CNBD1: variants seen among roughly 807,000 people sequenced by gnomAD.
CNBD1 encodes cyclic nucleotide-binding domain-containing protein 1.
A neutral mutation model predicts 54.4 loss-of-function variants in CNBD1; 71 were observed. The observed-to-expected ratio is 1.30, with a 90% CI of 1.08 to 1.59. CNBD1 has a LOEUF of 1.59. Ranked by LOEUF, CNBD1 falls within the 40% of genes most tolerant of loss-of-function variation. The pLI, the probability that CNBD1 is intolerant of heterozygous loss-of-function variation, is 0.00. For synonymous variants in CNBD1, 182 were observed against 170.7 expected (o/e 1.07, Z -0.51); for missense variants, 659 against 518.0 (o/e 1.27, Z -2.64).
rs138885623 is a variant in CNBD1, at chr8:87,351,485, A to G, written c.1043-200A>G. On this transcript the variant is annotated intron_variant, in intron 8 of 10. Coordinates refer to ENST00000518476, the MANE Select transcript of CNBD1 (RefSeq NM_173538.3). Reference sequence around the variant, plus strand: ...AAGTCTTGTCAGTGTTTGCAATATTACATGTATTATGTTAGAGATATAAAT... The same window carrying G: ...AAGTCTTGTCAGTGTTTGCAATATTGCATGTATTATGTTAGAGATATAAAT... Among the ~76,000 whole-genome samples the G allele has an allele frequency of 2.9e-3, 437 of 152,242 alleles. 5 individuals carry two copies. The highest frequency in any genetic ancestry group is 9.4e-3 in the African/African-American group (391 of 41,548).
chr8:87,364,730 G>A (rs1229760966), intron 10 of CNBD1, among the ~76,000 whole-genome samples: 1 of 151,842 alleles, frequency 6.6e-6, no homozygotes, highest in Non-Finnish European at 1.5e-5. Context: ...CACTTACAAG[G>A]AAAATATGCT....
chr8:87,012,250 G>A (rs1382387964), intron 4 of CNBD1, among the ~76,000 whole-genome samples: 2 of 152,102 alleles, frequency 1.3e-5, no homozygotes. Context: ...TGTACTTGTG[G>A]TTGTTGATTA....
intron 1 of CNBD1, among the ~76,000 whole-genome samples, chr8:86,870,395 C>T (rs1808426699): frequency 6.6e-6 from 1 of 151,730 alleles, no homozygotes; most frequent in Admixed American, 6.6e-5. Flanking sequence ...GACGGGCTTT[C>T]ACCGTGTTGG....
At chr8:86,915,848 C>T (rs1809175583) in intron 3 of CNBD1, among the ~76,000 whole-genome samples, 1 of 152,102 alleles carries the variant, frequency 6.6e-6, no homozygotes, top group Non-Finnish European at 1.5e-5. Flanking sequence ...GCATTAGTTA[C>T]CTTATATCAA....
At chr8:86,977,431 G>A (rs1310886069) in intron 4 of CNBD1, among the ~76,000 whole-genome samples, 2 of 151,832 alleles carry the variant, frequency 1.3e-5, no homozygotes, top group Non-Finnish European at 2.9e-5. Flanking sequence ...GATTTCCAGT[G>A]ATCTATCTTT....
At chr8:87,360,538 C>T (rs1456402496) in intron 10 of CNBD1, among the ~76,000 whole-genome samples, 1 of 151,674 alleles carries the variant, frequency 6.6e-6, no homozygotes, top group Non-Finnish European at 1.5e-5. Context: ...AGATGCAGAG[C>T]TTATTACTCA....
intron 10 of CNBD1, among the ~76,000 whole-genome samples, chr8:87,374,426 A>C (rs1810882538): frequency 6.6e-6 from 1 of 151,870 alleles, no homozygotes; most frequent in African/African-American, 2.4e-5. Flanking sequence ...TAGTTCCTTA[A>C]ATCAAGATCC....
chr8:86,898,979 G>A (rs1808891173), intron 2 of CNBD1, among the ~76,000 whole-genome samples: 1 of 152,080 alleles, frequency 6.6e-6, no homozygotes, highest in African/African-American at 2.4e-5. Context: ...TATACCCAAT[G>A]GAATACTATT....
chr8:87,002,519 C>G (rs1401165174), intron 4 of CNBD1, among the ~76,000 whole-genome samples: 1 of 151,930 alleles, frequency 6.6e-6, no homozygotes, highest in Non-Finnish European at 1.5e-5. Context: ...GGCATGTGGT[C>G]TTCTTGCTGT....
intron 8 of CNBD1, among the ~76,000 whole-genome samples, chr8:87,335,061 T>C (rs906799240): frequency 1.3e-5 from 2 of 152,204 alleles, no homozygotes; most frequent in Non-Finnish European, 2.9e-5. Context: ...GATTGCACTA[T>C]GGTCTGAGAG....
At chr8:87,250,135 G>A (rs1032464882) in intron 6 of CNBD1, among the ~76,000 whole-genome samples, 2 of 152,070 alleles carry the variant, frequency 1.3e-5, no homozygotes, top group African/African-American at 2.4e-5. Flanking sequence ...AGCAAAAAAT[G>A]AAATAATCCA....
At chr8:87,137,551 G>A (rs553591037) in intron 4 of CNBD1, among the ~76,000 whole-genome samples, 1 of 152,056 alleles carries the variant, frequency 6.6e-6, no homozygotes, top group Non-Finnish European at 1.5e-5. Context: ...TTATAAACAC[G>A]TTATGTTAGT....
At chr8:87,129,802 A>C (rs1299629783) in intron 4 of CNBD1, among the ~76,000 whole-genome samples, 2 of 151,840 alleles carry the variant, frequency 1.3e-5, no homozygotes, top group African/African-American at 4.8e-5. Context: ...TGACCCATGG[A>C]TATTTTGTGA....
Position 86,939,674 on chromosome 8 carries a change from A to G in CNBD1, c.351A>G (p.Arg117=). The G allele has an allele frequency of 6.2e-7, 1 of 1,602,538 alleles. No individual in the cohort carries two copies. Among genetic ancestry groups the G allele is most frequent in the Non-Finnish European group, 8.5e-7 (1 of 1,171,808 alleles). ...DSNNIAVHVQ[R]AHGGHILYRP... ...ACAATATAGCTGTCCATGTTCAGAG[A>G]GCACATGGTGGCCATATTTTATATA... Residue 117 remains arginine, a synonymous_variant, in exon 4 of 11, where the codon AGA becomes AGG. Transcript: ENST00000518476.
intron 10 of CNBD1, among the ~76,000 whole-genome samples, chr8:87,363,640 G>C (rs1176684236): frequency 6.6e-6 from 1 of 151,152 alleles, no homozygotes. Context: ...TTTGTTAGCT[G>C]CTAAATGTCT....
chr8:87,092,456 T>TGTGTGTGTGTATATATATACAC (rs1563465551), intron 4 of CNBD1, among the ~76,000 whole-genome samples: 10 of 138,790 alleles, frequency 7.2e-5, no homozygotes, highest in African/African-American at 1.9e-4. Flanking sequence ...TATATACACA[T>TGTGTGTGTGTATATATATACAC]ATGTGTGTGT....
intron 4 of CNBD1, among the ~76,000 whole-genome samples, chr8:87,132,140 C>T (rs951844140): frequency 6.6e-6 from 1 of 151,746 alleles, no homozygotes; most frequent in Middle Eastern, 3.4e-3. Context: ...TTTTTCAACA[C>T]CTAAAATTAA....
At chr8:87,389,239 A>C (rs1426093591) in intron 2 of CNBD1, among the ~76,000 whole-genome samples, 1 of 152,192 alleles carries the variant, frequency 6.6e-6, no homozygotes, top group African/African-American at 2.4e-5. Context: ...TAGTGTTGGA[A>C]GTTCTGGCCA....
At chr8:87,369,868 C>A (rs1418102442) in intron 10 of CNBD1, among the ~76,000 whole-genome samples, 1 of 151,886 alleles carries the variant, frequency 6.6e-6, no homozygotes, top group East Asian at 1.9e-4. Flanking sequence ...TATATGCTAT[C>A]CCTCCCCACT....
Sources: gnomAD v4.1 joint callset for allele counts (sites outside exome capture counted in the v4.1 genomes callset) on GRCh38, gnomAD v4.1.1 for gene constraint, MANE v1.5 for transcripts, NCBI Gene and HGNC (gene_info 2026-07-23, HGNC 2026-07-21) for gene names.